The following CCDC148 variants were observed in gnomAD, a reference collection of about 807,000 sequenced individuals.
CCDC148 encodes coiled-coil domain containing 148.
Under a neutral mutation model 85.7 loss-of-function variants are expected in CCDC148, and 89 were observed. The ratio of observed to expected loss-of-function variants is 1.04; its 90% CI spans 0.87 to 1.24. CCDC148 has a LOEUF of 1.24. Ranked by LOEUF, CCDC148 falls within the 50% of genes most tolerant of loss-of-function variation. The pLI is 0.00. For missense variants in CCDC148, 692 were observed against 671.7 expected, an observed-to-expected ratio of 1.03 and a Z score of -0.33; for synonymous variants, 230 against 213.9, an observed-to-expected ratio of 1.08 and a Z score of -0.66.
At chr2:158,378,525 T>C (rs1684745814) in intron 1 of CCDC148, among the ~76,000 whole-genome samples, 1 of 152,096 alleles carries the variant, frequency 6.6e-6, no homozygotes, top group Admixed American at 6.6e-5. Flanking sequence ...ATTTTCAGAG[T>C]GGATGAAACA....
intron 9 of CCDC148, among the ~76,000 whole-genome samples, chr2:158,251,320 CAG>C (rs1203354695): frequency 3.3e-5 from 5 of 151,750 alleles, no homozygotes; most frequent in Non-Finnish European, 7.4e-5. Context: ...TGCAATATTT[CAG>C]CCTTCTTATT....
chr2:158,392,927 T>C (rs539709286), intron 1 of CCDC148, among the ~76,000 whole-genome samples: 2 of 152,246 alleles, frequency 1.3e-5, no homozygotes, highest in Non-Finnish European at 2.9e-5. Flanking sequence ...TGTAGCAGTA[T>C]AGAGGAGTCA....
At chr2:158,379,503 G>T (rs1025481406) in intron 1 of CCDC148, among the ~76,000 whole-genome samples, 1 of 152,290 alleles carries the variant, frequency 6.6e-6, no homozygotes, top group Middle Eastern at 3.4e-3. Flanking sequence ...AATTTTGAAA[G>T]AAGTTCTATG....
intron 2 of CCDC148, among the ~76,000 whole-genome samples, chr2:158,351,502 A>G (rs1343108516): frequency 6.6e-6 from 1 of 151,606 alleles, no homozygotes; most frequent in African/African-American, 2.4e-5. Flanking sequence ...CCACCTGAAT[A>G]CTGCGCTTTT....
intron 1 of CCDC148, among the ~76,000 whole-genome samples, chr2:158,437,088 A>G (rs1687693633): frequency 6.6e-6 from 1 of 152,188 alleles, no homozygotes; most frequent in East Asian, 1.9e-4. Flanking sequence ...AACTATTCCA[A>G]ATAATAGAAA....
At chr2:158,312,588 A>C (rs1692082743) in intron 8 of CCDC148, among the ~76,000 whole-genome samples, 1 of 151,132 alleles carries the variant, frequency 6.6e-6, no homozygotes, top group Admixed American at 6.6e-5. Context: ...CAAAAAAAAA[A>C]AAAAAAAAAC....
chr2:158,437,496 C>T (rs1687717106), intron 1 of CCDC148, among the ~76,000 whole-genome samples: 1 of 152,112 alleles, frequency 6.6e-6, no homozygotes, highest in Admixed American at 6.6e-5. Context: ...TAAGAACTAT[C>T]TATGACAAAC....
chr2:158,267,164 T>C lies in CCDC148; in HGVS notation c.1111-16252A>G, dbSNP rs374730623. 5.9e-5 allele frequency among the ~76,000 whole-genome samples: 9 copies of C among 152,198 alleles called. No homozygotes were observed. In the South Asian group the frequency reaches 1.7e-3, roughly 28 times the overall value. On this transcript the variant is annotated intron_variant, in intron 9 of 13. Coordinates refer to ENST00000283233, the MANE Select transcript of CCDC148 (RefSeq NM_138803.4). ...CTGTCAAAGAACATTCATTCCTTTC[T>C]TCTCCCCACATACAACCTGTGTTCC...
At chr2:158,294,810 C>G (rs1178334408) in intron 9 of CCDC148, among the ~76,000 whole-genome samples, 1 of 118,388 alleles carries the variant, frequency 8.4e-6, no homozygotes, top group Admixed American at 1.1e-4. Flanking sequence ...GGTGACAGAG[C>G]AAGACTCTGT....
chr2:158,239,984 C>G (rs952400288), intron 10 of CCDC148, among the ~76,000 whole-genome samples: 17 of 152,046 alleles, frequency 1.1e-4, no homozygotes, highest in African/African-American at 3.9e-4. Context: ...TTAAACTTTG[C>G]AAGATCACAT....
At chr2:158,430,330 G>A (rs1398017977) in intron 1 of CCDC148, among the ~76,000 whole-genome samples, 4 of 152,108 alleles carry the variant, frequency 2.6e-5, no homozygotes, top group Non-Finnish European at 5.9e-5. Flanking sequence ...ATGAGTCTTA[G>A]CAGCCTGCCA....
intron 1 of CCDC148, among the ~76,000 whole-genome samples, chr2:158,362,833 A>G (rs1383388473): frequency 1.3e-5 from 2 of 152,220 alleles, no homozygotes; most frequent in Non-Finnish European, 2.9e-5. Context: ...AGAAGAACTG[A>G]AGGAGATAGA....
At chr2:158,409,866 G>A (rs1326642030) in intron 1 of CCDC148, among the ~76,000 whole-genome samples, 1 of 152,094 alleles carries the variant, frequency 6.6e-6, no homozygotes, top group African/African-American at 2.4e-5. Flanking sequence ...ATCGAATCAT[G>A]GGGGCAGTTT....
At position 158,283,668 on chromosome 2, in the gene CCDC148, A is replaced by G. The variant is rs1690458325; in HGVS notation, c.1110+25765T>C. 2.0e-5 allele frequency among the ~76,000 whole-genome samples: 3 copies of G among 152,036 alleles called. No homozygotes were observed. The South Asian group carries it at 6.2e-4, about 32-fold the overall frequency. ...TGTGGAGAAATAGGAACACTTTTAC[A>G]CTGTTGGTGGGACTGTAAACTAGTT... On this transcript the variant is annotated intron_variant, in intron 9 of 13. Coordinates refer to ENST00000283233, the MANE Select transcript of CCDC148 (RefSeq NM_138803.4).
intron 9 of CCDC148, among the ~76,000 whole-genome samples, chr2:158,292,905 G>C (rs1258124043): frequency 6.6e-6 from 1 of 152,112 alleles, no homozygotes; most frequent in East Asian, 1.9e-4. Context: ...TCCTCCTATA[G>C]CACTTTTTTA....
intron 9 of CCDC148, among the ~76,000 whole-genome samples, chr2:158,283,542 C>A (rs1403561769): frequency 3.3e-5 from 5 of 152,156 alleles, no homozygotes; most frequent in African/African-American, 9.7e-5. Flanking sequence ...TCATCACTGG[C>A]CATCAGAGAA....
chr2:158,196,851 T>C lies in CCDC148; in HGVS notation c.1371-17855A>G, dbSNP rs535835218. Among the ~76,000 whole-genome samples, 12 of 152,338 alleles carry C rather than the reference T, an allele frequency of 7.9e-5. No homozygotes were observed. The South Asian group carries it at 2.3e-3, about 29-fold the overall frequency. The stretch of plus-strand genomic sequence containing the variant: ...TTTATGTGTTCATATCTGTATGTAC[T>C]AGATAGTAGCTGGGCAGTTACTTCT... On this transcript the variant is annotated intron_variant, in intron 11 of 13. Coordinates refer to ENST00000283233, the MANE Select transcript of CCDC148 (RefSeq NM_138803.4).
intron 10 of CCDC148, among the ~76,000 whole-genome samples, chr2:158,248,982 T>C (rs573310248): frequency 6.6e-6 from 1 of 152,178 alleles, no homozygotes; most frequent in East Asian, 1.9e-4. Flanking sequence ...AAGCTCTCTC[T>C]CTCTCATCTT....
At chr2:158,307,415 T>A (rs191400792) in intron 9 of CCDC148, among the ~76,000 whole-genome samples, 1 of 152,310 alleles carries the variant, frequency 6.6e-6, no homozygotes, top group Non-Finnish European at 1.5e-5. Context: ...AGATTAGCAA[T>A]ACCAATGTTG....
Sources: allele counts gnomAD v4.1 joint callset (sites outside exome capture counted in the v4.1 genomes callset), GRCh38; gene constraint gnomAD v4.1.1; transcripts MANE v1.5; gene names NCBI Gene and HGNC (gene_info 2026-07-23, HGNC 2026-07-21).